Variants in SLC8A1 observed in about 807,000 individuals in gnomAD.
The protein encoded by SLC8A1 is sodium/calcium exchanger 1.
SLC8A1 carries 18 observed loss-of-function variants against 68.3 expected under a neutral mutation model. The observed-to-expected ratio is 0.26, with a 90% CI of 0.18 to 0.39. The LOEUF (loss-of-function observed/expected upper bound fraction) is 0.39, where lower values mean the gene tolerates loss of function less well. Ranked by LOEUF, SLC8A1 falls within the 10% of genes least tolerant of loss-of-function variation. The pLI is 1.00. For missense variants in SLC8A1, 985 were observed against 1,156.7 expected, an observed-to-expected ratio of 0.85 and a Z score of 2.15; for synonymous variants, 475 against 415.5, an observed-to-expected ratio of 1.14 and a Z score of -1.74.
chr2:40,213,882 T>C (rs750020753), intron 2 of SLC8A1, among the ~76,000 whole-genome samples: 8 of 152,180 alleles, frequency 5.3e-5, no homozygotes, highest in Non-Finnish European at 1.0e-4. Flanking sequence ...CTGTGGCTAA[T>C]TTCCAGAGAC....
chr2:40,135,364 G>A (rs562718206), intron 7 of SLC8A1, among the ~76,000 whole-genome samples: 11 of 152,214 alleles, frequency 7.2e-5, no homozygotes, highest in African/African-American at 1.4e-4. Context: ...TGTAGACTAG[G>A]ATGGTGGTGG....
At chr2:40,241,319 G>C (rs1357975097) in intron 2 of SLC8A1, among the ~76,000 whole-genome samples, 2 of 151,976 alleles carry the variant, frequency 1.3e-5, no homozygotes, top group Non-Finnish European at 2.9e-5. Flanking sequence ...GGACATAAAC[G>C]TGGGTATAAT....
Position 40,273,559 on chromosome 2 carries a change from A to C in SLC8A1, c.1809-95704T>G, listed in dbSNP as rs185781532. ...GAGCTTGATTTGAAGGACAACCAGT[A>C]TGGAAAGCCCCAAGGTACTTTATAG... is the stretch of plus-strand genomic sequence containing the variant. On this transcript the variant is annotated intron_variant, in intron 2 of 7. Coordinates refer to ENST00000406785, the Ensembl canonical transcript of SLC8A1. 1.7e-3 allele frequency among the ~76,000 whole-genome samples: 265 copies of C among 152,346 alleles called. 1 individual carries two copies. Among genetic ancestry groups the C allele is most frequent in the Non-Finnish European group, 2.0e-3 (138 of 68,030 alleles).
chr2:40,504,414 C>A (rs142073274), intron 1 of SLC8A1, among the ~76,000 whole-genome samples: 1 of 151,888 alleles, frequency 6.6e-6, no homozygotes, highest in Non-Finnish European at 1.5e-5. Context: ...ATTTCTTGAG[C>A]AATACCCCAC....
chr2:40,485,686 A>G (rs1704922186), intron 1 of SLC8A1, among the ~76,000 whole-genome samples: 1 of 152,152 alleles, frequency 6.6e-6, no homozygotes, highest in Admixed American at 6.5e-5. Context: ...TTATTCATTG[A>G]TAAAACTCTT....
At chr2:40,228,797 A>G (rs921119786) in intron 2 of SLC8A1, among the ~76,000 whole-genome samples, 3 of 152,168 alleles carry the variant, frequency 2.0e-5, no homozygotes, top group African/African-American at 7.2e-5. Flanking sequence ...CTTGATCACC[A>G]ATCCAAGGTG....
chr2:40,165,162 T>C (rs2046337607), intron 4 of SLC8A1, among the ~76,000 whole-genome samples, 178 bp from the exon 8 acceptor site: 1 of 152,198 alleles, frequency 6.6e-6, no homozygotes, highest in African/African-American at 2.4e-5. Context: ...TAAGGCAGCA[T>C]ATCACTGTGA....
At chr2:40,409,199 T>C (rs1691343046) in intron 2 of SLC8A1, among the ~76,000 whole-genome samples, 1 of 152,202 alleles carries the variant, frequency 6.6e-6, no homozygotes, top group African/African-American at 2.4e-5. Flanking sequence ...CTGGTATTCA[T>C]GTAAAAGAAC....
intron 2 of SLC8A1, among the ~76,000 whole-genome samples, chr2:40,323,039 T>C (rs780452154): frequency 6.6e-6 from 1 of 152,174 alleles, no homozygotes; most frequent in East Asian, 1.9e-4. Flanking sequence ...TGAAGGATTA[T>C]ATAACACTTA....
chr2:40,362,363 T>C (rs536180898), intron 2 of SLC8A1, among the ~76,000 whole-genome samples: 9 of 152,194 alleles, frequency 5.9e-5, no homozygotes, highest in African/African-American at 2.2e-4. Flanking sequence ...CCCAGATTTA[T>C]TTGTACTTAA....
intron 2 of SLC8A1, among the ~76,000 whole-genome samples, chr2:40,389,534 TGTCA>T (rs1316746789): frequency 1.3e-5 from 2 of 152,068 alleles, no homozygotes; most frequent in Non-Finnish European, 2.9e-5. Context: ...AAAATCATTG[TGTCA>T]GTTACCAAAA....
intron 2 of SLC8A1, among the ~76,000 whole-genome samples, chr2:40,194,506 T>TGTGCGC (rs963279052): frequency 8.3e-5 from 11 of 131,936 alleles, no homozygotes; most frequent in African/African-American, 3.0e-4. Context: ...TGTGTGTGTG[T>TGTGCGC]GCGCGCGCAA....
chr2:40,401,953 A>C (rs1383342392), intron 2 of SLC8A1, among the ~76,000 whole-genome samples: 3 of 152,168 alleles, frequency 2.0e-5, no homozygotes, highest in Non-Finnish European at 4.4e-5. Flanking sequence ...CTAATTTTCT[A>C]ACTTTAAGTG....
At chr2:40,501,080 C>A (rs1347574868) in intron 1 of SLC8A1, among the ~76,000 whole-genome samples, 1 of 151,870 alleles carries the variant, frequency 6.6e-6, no homozygotes, top group South Asian at 2.1e-4. Flanking sequence ...TACTTCAAGG[C>A]CTTTCCTTTG....
At chr2:40,332,018 C>T (rs34562238) in intron 2 of SLC8A1, among the ~76,000 whole-genome samples, 34,813 of 151,686 alleles carry the variant, frequency 0.23, 4,486 homozygotes, top group East Asian at 0.38. Flanking sequence ...GGTGTGATCA[C>T]AGTTCACTGT....
chr2:40,133,703 C>T (rs958311666), intron 7 of SLC8A1, among the ~76,000 whole-genome samples: 4 of 52,350 alleles, frequency 7.6e-5, no homozygotes, highest in Non-Finnish European at 1.5e-4. Flanking sequence ...GGCAAAAATC[C>T]CCCCCCCCCA....
At chr2:40,303,342 T>C (rs2071897900) in intron 2 of SLC8A1, among the ~76,000 whole-genome samples, 1 of 152,144 alleles carries the variant, frequency 6.6e-6, no homozygotes, top group Non-Finnish European at 1.5e-5. Context: ...CTGAGCCTGA[T>C]TGGTGGCTAG....
At chr2:40,377,405 G>T (rs1680240823) in intron 2 of SLC8A1, among the ~76,000 whole-genome samples, 1 of 152,024 alleles carries the variant, frequency 6.6e-6, no homozygotes. Context: ...ACACTGCATG[G>T]TCTTCTAATC....
intron 2 of SLC8A1, among the ~76,000 whole-genome samples, chr2:40,201,919 T>G (rs926831447): frequency 1.3e-5 from 2 of 151,954 alleles, no homozygotes; most frequent in Admixed American, 6.6e-5. Flanking sequence ...AACCTACATA[T>G]CTATGTGCCT....
Sources: gnomAD v4.1 joint callset for allele counts (sites outside exome capture counted in the v4.1 genomes callset) on GRCh38, gnomAD v4.1.1 for gene constraint, MANE v1.5 for transcripts, NCBI Gene and HGNC (gene_info 2026-07-23, HGNC 2026-07-21) for gene names.